The following TBC1D32 variants were observed in gnomAD, a reference collection of about 807,000 sequenced individuals.
TBC1D32 encodes TBC1 domain family member 32.
TBC1D32 carries 151 observed loss-of-function variants against 170.3 expected under a neutral mutation model. That is an observed-to-expected ratio of 0.89 (90% CI 0.78 to 1.01). The LOEUF is 1.01. Ranked by LOEUF, TBC1D32 falls within the 50% of genes least tolerant of loss-of-function variation. The pLI is 0.00. For missense variants in TBC1D32, 1,464 were observed against 1,457.1 expected (o/e 1.00, Z -0.08); for synonymous variants, 498 against 488.0 (o/e 1.02, Z -0.27).
In TBC1D32 at chr6:121,329,462, A is replaced by G. The variant is rs545284858; in HGVS notation, c.155+4814T>C. Reference sequence around the variant, plus strand: ...AGGTCAGGAGTTCAAGACCAGCCTGACCAACATGGTGAAACCTCGTCTCTA... The same window carrying G: ...AGGTCAGGAGTTCAAGACCAGCCTGGCCAACATGGTGAAACCTCGTCTCTA... On this transcript the variant is annotated intron_variant, in intron 1 of 31. Coordinates refer to ENST00000398212, the MANE Select transcript of TBC1D32 (RefSeq NM_152730.6). 2.3e-3 allele frequency among the ~76,000 whole-genome samples: 346 copies of G among 152,010 alleles called. 1 individual carries two copies. The highest frequency in any genetic ancestry group is 8.1e-3 in the African/African-American group (334 of 41,450).
chr6:121,246,423 A>G lies in TBC1D32; in HGVS notation c.2019-4084T>C. ...AAAATAAATTCAAAAAACAAGTTGA[A>G]GAAACAGTCTACCCAAATGAAAAAA... is the stretch of plus-strand genomic sequence containing the variant. On this transcript the variant is annotated intron_variant, in intron 17 of 31. Transcript: ENST00000398212. Among the ~76,000 whole-genome samples the G allele has an allele frequency of 1.3e-5, 2 of 152,074 alleles. 1 individual carries two copies. The highest frequency in any genetic ancestry group is 3.9e-4 in the East Asian group (2 of 5,160).
intron 24 of TBC1D32, among the ~76,000 whole-genome samples, chr6:121,137,747 C>G (rs1782292891): frequency 6.6e-6 from 1 of 151,662 alleles, no homozygotes; most frequent in African/African-American, 2.4e-5. Flanking sequence ...AGAGACTATA[C>G]AGAAAGAACT....
Position 121,126,372 on chromosome 6 carries a change from A to C in TBC1D32, c.2983+6T>G. ...TTTTTCAAACTTCACAATGTTTAAA[A>C]TGTACCTGTATACTCCACTGAAGGG... On this transcript the variant is annotated splice_donor_region_variant and intron_variant, in intron 26 of 31. Coordinates refer to ENST00000398212, the MANE Select transcript of TBC1D32 (RefSeq NM_152730.6). 1.2e-6 allele frequency: 2 copies of C among 1,601,456 alleles called. No homozygotes were observed. Among genetic ancestry groups the C allele is most frequent in the Middle Eastern group, 1.7e-4 (1 of 5,972 alleles).
chr6:121,250,314 G>A (rs1175225476), intron 17 of TBC1D32, among the ~76,000 whole-genome samples: 2 of 152,090 alleles, frequency 1.3e-5, no homozygotes, highest in African/African-American at 4.8e-5. Flanking sequence ...TATCCCTGAT[G>A]AACATGGATG....
At chr6:121,104,065 G>C (rs1778437273) in intron 30 of TBC1D32, among the ~76,000 whole-genome samples, 1 of 151,684 alleles carries the variant, frequency 6.6e-6, no homozygotes, top group South Asian at 2.1e-4. Context: ...ACTTCAGAAA[G>C]TTTAAAATAG....
intron 15 of TBC1D32, among the ~76,000 whole-genome samples, chr6:121,268,227 C>T (rs1008598450): frequency 2.6e-5 from 4 of 152,090 alleles, no homozygotes; most frequent in African/African-American, 9.7e-5. Context: ...CAGCTCCTCG[C>T]CAGCAACAGA....
At chr6:121,202,742 G>A (rs886677355) in intron 22 of TBC1D32, among the ~76,000 whole-genome samples, 1 of 151,168 alleles carries the variant, frequency 6.6e-6, no homozygotes, top group Non-Finnish European at 1.5e-5. Context: ...GAGAAAAGGC[G>A]TAGGGGTGAA....
intron 30 of TBC1D32, among the ~76,000 whole-genome samples, chr6:121,091,302 C>T (rs1469703667): frequency 6.6e-6 from 1 of 152,154 alleles, no homozygotes; most frequent in Non-Finnish European, 1.5e-5. Context: ...TTACTCAATG[C>T]CTTTTTTATT....
chr6:121,286,083 C>T (rs1803769520), intron 12 of TBC1D32, among the ~76,000 whole-genome samples: 1 of 152,184 alleles, frequency 6.6e-6, no homozygotes. Context: ...CAGAGCGCCT[C>T]TCCTCCTCCA....
intron 31 of TBC1D32, among the ~76,000 whole-genome samples, chr6:121,082,544 A>G (rs1775750573): frequency 6.6e-6 from 1 of 152,106 alleles, no homozygotes; most frequent in East Asian, 1.9e-4. Context: ...CAATGGCAGA[A>G]GAACTGTTTC....
At chr6:121,222,967 A>G (rs1352582067) in intron 21 of TBC1D32, among the ~76,000 whole-genome samples, 1 of 152,132 alleles carries the variant, frequency 6.6e-6, no homozygotes, top group Non-Finnish European at 1.5e-5. Context: ...AATCACTCAC[A>G]TGTATACTTC....
At chr6:121,081,857 AC>A (rs907662014) in intron 31 of TBC1D32, among the ~76,000 whole-genome samples, 6 of 152,074 alleles carry the variant, frequency 3.9e-5, no homozygotes, top group African/African-American at 1.4e-4. Context: ...ACTTGGGGTA[AC>A]TTTATTCTTA....
Position 121,097,985 on chromosome 6 carries a change from A to T in TBC1D32, c.3466-6944T>A, listed in dbSNP as rs145690981. ...CTGCATCTTCTCACTCATAAGTGGGAGGTGAACAATGAGAACACATGGACA... is the reference window on the plus strand; with the variant it reads ...CTGCATCTTCTCACTCATAAGTGGGTGGTGAACAATGAGAACACATGGACA... On this transcript the variant is annotated intron_variant, in intron 30 of 31. Transcript: ENST00000398212. Among the ~76,000 whole-genome samples, 1,147 of 151,864 alleles carry T rather than the reference A, an allele frequency of 7.6e-3. 18 individuals carry two copies. The highest frequency in any genetic ancestry group is 0.027 in the African/African-American group (1,099 of 41,428).
At chr6:121,172,149 C>G (rs1386612436) in intron 22 of TBC1D32, among the ~76,000 whole-genome samples, 2 of 152,060 alleles carry the variant, frequency 1.3e-5, no homozygotes, top group Non-Finnish European at 2.9e-5. Context: ...TGCCTTTCAC[C>G]TTCCACCATG....
chr6:121,169,479 C>CA (rs1786645859), intron 22 of TBC1D32, among the ~76,000 whole-genome samples: 1 of 151,956 alleles, frequency 6.6e-6, no homozygotes. Context: ...TGCTAGACAG[C>CA]AAAAAATTGA....
At chr6:121,161,956 T>C (rs527939307) in intron 22 of TBC1D32, among the ~76,000 whole-genome samples, 91 of 152,368 alleles carry the variant, frequency 6.0e-4, no homozygotes, top group African/African-American at 1.9e-3. Flanking sequence ...TTTTTTCATA[T>C]GTTTGTTGGC....
chr6:121,256,247 T>C lies in TBC1D32; in HGVS notation c.1772A>G (p.Lys591Arg), dbSNP rs1332698114. 1.9e-6 allele frequency: 3 copies of C among 1,613,418 alleles called. No individual in the cohort carries two copies. Among genetic ancestry groups the C allele is most frequent in the Non-Finnish European group, 2.5e-6 (3 of 1,179,866 alleles). ...GAHIIAQFSK[K>R]LLDEDISIFS... is the part of the protein sequence containing the mutation. ...TATAGAAATATCTTCATCGAGAAGT[T>C]TTTTCGAAAACTGGGCAATTATATG... is the stretch of plus-strand genomic sequence containing the variant. The change falls in exon 16 of 32, where the codon AAA becomes AGA. Residue 591 changes from lysine (K) to arginine (R), a missense_variant. By Grantham distance (26) the Lys-to-Arg change is conservative (BLOSUM62 2). Transcript: ENST00000398212.
intron 15 of TBC1D32, among the ~76,000 whole-genome samples, chr6:121,268,166 GA>G (rs1269403441): frequency 6.6e-6 from 1 of 151,474 alleles, no homozygotes; most frequent in Non-Finnish European, 1.5e-5. Flanking sequence ...AACCAGAGCA[GA>G]AAAGCGAAAA....
intron 22 of TBC1D32, among the ~76,000 whole-genome samples, chr6:121,191,150 TG>T (rs1487429115): frequency 3.9e-5 from 6 of 152,198 alleles, no homozygotes; most frequent in Non-Finnish European, 7.3e-5. Context: ...TACATATATT[TG>T]GATATATACA....
Sources: gnomAD v4.1 joint callset for allele counts (sites outside exome capture counted in the v4.1 genomes callset) on GRCh38, gnomAD v4.1.1 for gene constraint, MANE v1.5 for transcripts, NCBI Gene and HGNC (gene_info 2026-07-23, HGNC 2026-07-21) for gene names.